Variants in CPNE4 observed in about 807,000 individuals in gnomAD.
CPNE4 encodes copine-4.
Under a neutral mutation model 67.9 loss-of-function variants are expected in CPNE4, and 25 were observed. The ratio of observed to expected loss-of-function variants is 0.37; its 90% CI spans 0.27 to 0.51. The LOEUF (loss-of-function observed/expected upper bound fraction) is 0.51, where lower values mean the gene tolerates loss of function less well. CPNE4 is among the 20% of genes least tolerant of loss of function. The pLI, the probability that CPNE4 is intolerant of heterozygous loss-of-function variation, is 0.93. For synonymous variants in CPNE4, 242 were observed against 244.9 expected (o/e 0.99, Z 0.11); for missense variants, 464 against 690.8 (o/e 0.67, Z 3.68).
At chr3:131,538,778 G>A (rs1314324356) in intron 15 of CPNE4, 1 of 152,236 alleles carries the variant, frequency 6.6e-6, no homozygotes, top group African/African-American at 2.4e-5. Context: ...AGAGTGGGTT[G>A]TTATAAAAGA....
intron 1 of CPNE4, among the ~76,000 whole-genome samples, chr3:131,915,754 A>G (rs1583449691): frequency 6.6e-6 from 1 of 152,212 alleles, no homozygotes; most frequent in African/African-American, 2.4e-5. Flanking sequence ...AAAATCTAGC[A>G]GAAATCTCAT....
chr3:131,815,483 T>A (rs909086137), intron 2 of CPNE4, among the ~76,000 whole-genome samples: 1 of 152,216 alleles, frequency 6.6e-6, no homozygotes, highest in African/African-American at 2.4e-5. Flanking sequence ...ATCCTCTTGA[T>A]AACATTTAGA....
intron 2 of CPNE4, among the ~76,000 whole-genome samples, chr3:131,870,378 C>T (rs1253978017): frequency 6.6e-6 from 1 of 152,160 alleles, no homozygotes; most frequent in Non-Finnish European, 1.5e-5. Flanking sequence ...AGAAGCCATA[C>T]TTACACAGAT....
rs139276246 is a variant in CPNE4, at chr3:132,017,869, C to T, written c.-2+16698G>A. The T allele has an allele frequency of 4.3e-3, 654 of 152,528 alleles. 1 individual carries two copies. Among genetic ancestry groups the T allele is most frequent in the Non-Finnish European group, 6.1e-3 (417 of 68,226 alleles). The allele number at this position is 152,528 out of a possible 1,614,324, so 9.4% of individuals were successfully genotyped here. On this transcript the variant is annotated intron_variant, in intron 1 of 15. Transcript: ENST00000429747. ...AGGGAATCAGGGCTCAGAGGCTCCACGGGGTGGGGGCAGGGGAGAATCTTT... is the reference window on the plus strand; with the variant it reads ...AGGGAATCAGGGCTCAGAGGCTCCATGGGGTGGGGGCAGGGGAGAATCTTT...
At chr3:131,633,538 A>G (rs530447612) in intron 7 of CPNE4, among the ~76,000 whole-genome samples, 122 of 152,212 alleles carry the variant, frequency 8.0e-4, no homozygotes, top group African/African-American at 2.8e-3. Flanking sequence ...ATCTCTAACT[A>G]AAAATTTTTT....
chr3:131,792,764 A>G (rs986757838), intron 2 of CPNE4, among the ~76,000 whole-genome samples: 25 of 118,858 alleles, frequency 2.1e-4, no homozygotes, highest in African/African-American at 6.7e-4. Flanking sequence ...TACACACACT[A>G]TATATGTATA....
chr3:131,606,607 A>G (rs1360559198), intron 7 of CPNE4, among the ~76,000 whole-genome samples: 1 of 152,100 alleles, frequency 6.6e-6, no homozygotes, highest in African/African-American at 2.4e-5. Flanking sequence ...CTTGGGCTGA[A>G]TGTCTAGTTT....
intron 6 of CPNE4, among the ~76,000 whole-genome samples, 171 bp downstream of exon 6, chr3:131,685,704 C>G (rs1353876902): frequency 6.6e-6 from 1 of 152,100 alleles, no homozygotes; most frequent in Non-Finnish European, 1.5e-5. Flanking sequence ...TTGTTTGAAG[C>G]TGGGAGGTGG....
At position 131,891,430 on chromosome 3, in the gene CPNE4, TA is replaced by T. The variant is rs1198745804; in HGVS notation, c.180+13833del. Among the ~76,000 whole-genome samples, 4 of 151,244 alleles carry T rather than the reference TA, an allele frequency of 2.6e-5. No homozygotes were observed. The East Asian group carries it at 7.7e-4, about 29-fold the overall frequency. On this transcript the variant is annotated intron_variant, in intron 2 of 15. Transcript: ENST00000429747. ...CTCATCAAGCTACGAGTTTTTTTTT[TA>T]AACTTTTGAGTTCAGGGGTACACAT... is the stretch of plus-strand genomic sequence containing the variant.
At chr3:131,882,393 T>C (rs9859263) in intron 2 of CPNE4, among the ~76,000 whole-genome samples, 42,515 of 152,040 alleles carry the variant, frequency 0.28, 7,256 homozygotes, top group Non-Finnish European at 0.37. Context: ...GCAAGAGTCA[T>C]TGAGTCTAAT....
At chr3:131,552,285 C>T (rs1164150111) in intron 13 of CPNE4, among the ~76,000 whole-genome samples, 155 bp downstream of exon 13, 1 of 152,002 alleles carries the variant, frequency 6.6e-6, no homozygotes, top group Non-Finnish European at 1.5e-5. Context: ...ATGGCTTTCT[C>T]TTGCCTGTGG....
chr3:132,024,052 G>C (rs186057209), intron 1 of CPNE4, among the ~76,000 whole-genome samples: 1 of 90,234 alleles, frequency 1.1e-5, no homozygotes, highest in African/African-American at 4.2e-5. Flanking sequence ...TTTAATACAC[G>C]TGAACAAAAG....
chr3:131,832,405 T>C (rs1051322243), intron 2 of CPNE4, among the ~76,000 whole-genome samples: 1 of 152,166 alleles, frequency 6.6e-6, no homozygotes, highest in Non-Finnish European at 1.5e-5. Flanking sequence ...ACCATTGCCT[T>C]TCTTTCAAGG....
At chr3:131,714,150 G>A (rs1378341620) in intron 3 of CPNE4, among the ~76,000 whole-genome samples, 1 of 152,106 alleles carries the variant, frequency 6.6e-6, no homozygotes, top group Non-Finnish European at 1.5e-5. Context: ...ATGCTAACCT[G>A]TGGAATCTTA....
intron 1 of CPNE4, among the ~76,000 whole-genome samples, chr3:131,909,518 T>A (rs1220716626): frequency 6.6e-6 from 1 of 152,152 alleles, no homozygotes; most frequent in Admixed American, 6.6e-5. Context: ...GTTAAATGAA[T>A]TTCAGATGAT....
At position 131,685,899 on chromosome 3, in the gene CPNE4, A is replaced by G. The variant is rs2080878604; in HGVS notation, c.567T>C (p.Thr189=). The G allele has an allele frequency of 1.2e-6, 2 of 1,613,042 alleles. No individual in the cohort carries two copies. Among genetic ancestry groups the G allele is most frequent in the African/African-American group, 2.7e-5 (2 of 74,906 alleles). The change falls in exon 6 of 16, where the codon ACT becomes ACC. Residue 189 remains threonine, a synonymous_variant. Coordinates refer to ENST00000429747, the MANE Select transcript of CPNE4 (RefSeq NM_130808.3). The part of the protein sequence containing the change: ...LEIFRMNDDA[T]QQLVHRTEVV... ...CCTCAGTTCGGTGCACCAGCTGCTGAGTTGCATCATCATTCATACGAAAAA... is the reference window on the plus strand; with the variant it reads ...CCTCAGTTCGGTGCACCAGCTGCTGGGTTGCATCATCATTCATACGAAAAA...
At chr3:131,653,039 G>T (rs1023340105) in intron 7 of CPNE4, among the ~76,000 whole-genome samples, 1 of 151,962 alleles carries the variant, frequency 6.6e-6, no homozygotes, top group Admixed American at 6.6e-5. Flanking sequence ...AAGAATCAGG[G>T]TTAAGTCTTT....
chr3:131,679,044 A>C (rs11918168), intron 6 of CPNE4, among the ~76,000 whole-genome samples: 5,992 of 152,104 alleles, frequency 0.039, 404 homozygotes, highest in African/African-American at 0.14. Flanking sequence ...TAAGCTTTGA[A>C]TCTGTCTGGT....
chr3:131,735,348 T>G (rs1303840406), intron 2 of CPNE4, among the ~76,000 whole-genome samples: 1 of 152,154 alleles, frequency 6.6e-6, no homozygotes, highest in African/African-American at 2.4e-5. Context: ...CCTCTAAATG[T>G]GATGATTAAT....
Sources: allele counts gnomAD v4.1 joint callset (sites outside exome capture counted in the v4.1 genomes callset), GRCh38; gene constraint gnomAD v4.1.1; transcripts MANE v1.5; gene names NCBI Gene and HGNC (gene_info 2026-07-23, HGNC 2026-07-21).